Variants in RBFOX1 observed in about 807,000 individuals in gnomAD.
RBFOX1 encodes RNA binding fox-1 homolog 1.
Under a neutral mutation model 57.7 loss-of-function variants are expected in RBFOX1, and 8 were observed. That is an observed-to-expected ratio of 0.14 (90% CI 0.08 to 0.25). RBFOX1 has a LOEUF of 0.25. Ranked by LOEUF, RBFOX1 falls within the 10% of genes least tolerant of loss-of-function variation. The pLI, the probability that RBFOX1 is intolerant of heterozygous loss-of-function variation, is 1.00. For synonymous variants in RBFOX1, 326 were observed against 222.4 expected (o/e 1.47, Z -4.15); for missense variants, 611 against 548.5 (o/e 1.11, Z -1.14).
At position 7,046,237 on chromosome 16, in the gene RBFOX1, GGTGTGT is replaced by G. The variant is rs34943266; in HGVS notation, c.-15-5795_-15-5790del. 5.7e-3 allele frequency among the ~76,000 whole-genome samples: 837 copies of G among 146,688 alleles called. 7 individuals are homozygous for G. The highest frequency in any genetic ancestry group is 0.018 in the African/African-American group (735 of 40,500). ...ATAAAGTGTGAGGTTTAGGTAAAGG[GGTGTGT>G]GTGTGTGTGTGTGTGTGTGTGTGTA... On this transcript the variant is annotated intron_variant, in intron 3 of 15. Transcript: ENST00000550418.
chr16:6,597,015 C>T (rs1228398063), intron 2 of RBFOX1, among the ~76,000 whole-genome samples: 1 of 152,136 alleles, frequency 6.6e-6, no homozygotes, highest in African/African-American at 2.4e-5. Flanking sequence ...GGAAAGCTTT[C>T]TTATCAACTT....
chr16:6,820,860 G>A (rs950958819), intron 3 of RBFOX1, among the ~76,000 whole-genome samples: 2 of 152,136 alleles, frequency 1.3e-5, no homozygotes, highest in African/African-American at 4.8e-5. Context: ...AATTATTTTT[G>A]ACCCATAGTG....
intron 1 of RBFOX1, among the ~76,000 whole-genome samples, chr16:6,211,298 C>T (rs572713815): frequency 6.8e-5 from 10 of 146,392 alleles, no homozygotes; most frequent in Admixed American, 2.8e-4. Context: ...GCACGATCTC[C>T]GCTCACTGCA....
chr16:6,975,061 T>C (rs76243940), intron 3 of RBFOX1, among the ~76,000 whole-genome samples: 10,869 of 152,206 alleles, frequency 0.071, 452 homozygotes, highest in South Asian at 0.18. Context: ...TTTAAAAATA[T>C]ATGGCAGAAT....
At position 6,825,626 on chromosome 16, in the gene RBFOX1, G is replaced by C. The variant is rs376910098; in HGVS notation, c.-16+170976G>C. 2.6e-5 allele frequency among the ~76,000 whole-genome samples: 4 copies of C among 152,242 alleles called. No individual in the cohort carries two copies. In the South Asian group the frequency reaches 8.3e-4, roughly 32 times the overall value. On this transcript the variant is annotated intron_variant, in intron 3 of 15. Coordinates refer to ENST00000550418, the MANE Select transcript of RBFOX1 (RefSeq NM_018723.4). ...AGAAACTGCAACATCCTCTCCCTGG[G>C]AGTGGGTATTTATTCACCGCTTCAC...
intron 5 of RBFOX1, among the ~76,000 whole-genome samples, chr16:7,558,577 C>G (rs532468989): frequency 2.0e-5 from 3 of 152,034 alleles, no homozygotes; most frequent in African/African-American, 7.2e-5. Flanking sequence ...TAATTATGGG[C>G]TTATGTCATT....
chr16:6,200,207 A>G (rs1308701665), intron 1 of RBFOX1, among the ~76,000 whole-genome samples: 2 of 152,192 alleles, frequency 1.3e-5, no homozygotes, highest in Non-Finnish European at 2.9e-5. Flanking sequence ...GATGAATACA[A>G]CTATTAATAT....
chr16:6,933,263 A>T (rs916400399), intron 3 of RBFOX1, among the ~76,000 whole-genome samples: 1 of 152,232 alleles, frequency 6.6e-6, no homozygotes, highest in African/African-American at 2.4e-5. Context: ...GCTGCAAGTG[A>T]AATTGATGAA....
intron 3 of RBFOX1, among the ~76,000 whole-genome samples, chr16:6,699,811 C>G (rs149121287): frequency 1.1e-4 from 16 of 152,206 alleles, no homozygotes; most frequent in African/African-American, 3.9e-4. Context: ...TGAAGAAAAA[C>G]TCATGATGGT....
At chr16:6,410,620 C>T (rs552268072) in intron 2 of RBFOX1, among the ~76,000 whole-genome samples, 1 of 152,114 alleles carries the variant, frequency 6.6e-6, no homozygotes, top group South Asian at 2.1e-4. Context: ...CTATTTGAGG[C>T]CCTGCGCTAG....
At chr16:7,104,206 G>T (rs1034051573) in intron 4 of RBFOX1, among the ~76,000 whole-genome samples, 2 of 152,122 alleles carry the variant, frequency 1.3e-5, no homozygotes, top group Admixed American at 6.6e-5. Context: ...AGTGACTGCT[G>T]TCTGGAACTA....
chr16:5,975,559 C>T (rs1484884538), intron 4 of RBFOX1, among the ~76,000 whole-genome samples: 1 of 152,182 alleles, frequency 6.6e-6, no homozygotes, highest in Non-Finnish European at 1.5e-5. Flanking sequence ...TTTTCACAGG[C>T]ACTGCTGTTT....
intron 4 of RBFOX1, among the ~76,000 whole-genome samples, chr16:5,870,571 C>CT (rs912422407): frequency 3.1e-4 from 47 of 151,530 alleles, no homozygotes; most frequent in African/African-American, 1.0e-3. Flanking sequence ...TTCCTTCATT[C>CT]TTTTTTTATT....
intron 2 of RBFOX1, among the ~76,000 whole-genome samples, chr16:5,543,069 G>A (rs2045031446): frequency 6.6e-6 from 1 of 152,264 alleles, no homozygotes; most frequent in Admixed American, 6.5e-5. Context: ...AGTAAGCATG[G>A]CTCTAGTCCC....
At chr16:7,287,272 T>G (rs2095668303) in intron 4 of RBFOX1, among the ~76,000 whole-genome samples, 1 of 152,190 alleles carries the variant, frequency 6.6e-6, no homozygotes, top group South Asian at 2.1e-4. Context: ...AAATGAGGTT[T>G]TCCCGACAAA....
intron 1 of RBFOX1, among the ~76,000 whole-genome samples, chr16:5,336,879 G>T (rs1218955816): frequency 2.0e-5 from 3 of 152,148 alleles, no homozygotes; most frequent in African/African-American, 7.2e-5. Context: ...CAGAGCTGAT[G>T]GATTTGTATG....
intron 2 of RBFOX1, among the ~76,000 whole-genome samples, chr16:6,460,776 A>T (rs142188470): frequency 6.6e-6 from 1 of 151,642 alleles, no homozygotes; most frequent in Admixed American, 6.6e-5. Flanking sequence ...AAATCATTCT[A>T]TTATAAAGAT....
intron 1 of RBFOX1, among the ~76,000 whole-genome samples, chr16:5,438,410 A>G (rs1416115221): frequency 1.3e-5 from 2 of 152,216 alleles, no homozygotes; most frequent in African/African-American, 4.8e-5. Flanking sequence ...GACACTGGAC[A>G]TAAAGCAGTG....
chr16:5,784,203 C>G (rs941318194), intron 3 of RBFOX1, among the ~76,000 whole-genome samples: 1 of 152,036 alleles, frequency 6.6e-6, no homozygotes, highest in East Asian at 1.9e-4. Context: ...AGGTGGATCA[C>G]GAGGTCAGGA....
Sources: allele counts gnomAD v4.1 joint callset (sites outside exome capture counted in the v4.1 genomes callset), GRCh38; gene constraint gnomAD v4.1.1; transcripts MANE v1.5; gene names NCBI Gene and HGNC (gene_info 2026-07-23, HGNC 2026-07-21).